The following CCNG2 variants were observed in gnomAD, a reference collection of about 807,000 sequenced individuals.
CCNG2 encodes cyclin-G2.
A neutral mutation model predicts 36.5 loss-of-function variants in CCNG2; 20 were observed. The ratio of observed to expected loss-of-function variants is 0.55; its 90% confidence interval spans 0.39 to 0.80. CCNG2 has a LOEUF of 0.80. Among genes scored for constraint, CCNG2 ranks in the 30% least tolerant of loss-of-function variants. CCNG2 has a pLI of 0.00. For synonymous variants in CCNG2, 155 were observed against 140.1 expected, an observed-to-expected ratio of 1.11 and a Z score of -0.75; for missense variants, 358 against 390.8, an observed-to-expected ratio of 0.92 and a Z score of 0.71.
At chr4:77,158,356 C>G in intron 1 of CCNG2, 177 bp from the exon 2 acceptor site, 2 of 608,524 alleles carry the variant, frequency 3.3e-6, no homozygotes, top group Non-Finnish European at 5.8e-6. Context: ...CCACACCTCC[C>G]TGGCCGTGGT....
chr4:77,158,836 A>C (rs544153561), intron 2 of CCNG2, among the ~76,000 whole-genome samples, 166 bp downstream of exon 2: 16 of 152,276 alleles, frequency 1.1e-4, no homozygotes, highest in African/African-American at 3.6e-4. Context: ...TTTGTTTCTT[A>C]GCAAGAATGA....
rs35692387 is a variant in CCNG2 at position 77,162,376 on chromosome 4, ATTT to A, written c.705+653_705+655del. ...TAGTGAATATAGAGAGTACTTTGGG[ATTT>A]TTTTTTTTTTTTTTTTTTTTTTTGA... is the stretch of plus-strand genomic sequence containing the variant. On this transcript the variant is annotated intron_variant, in intron 6 of 7. Transcript: ENST00000316355. Among the ~76,000 whole-genome samples, 633 of 71,442 alleles carry A rather than the reference ATTT, an allele frequency of 8.9e-3. 2 individuals are homozygous for A. The highest frequency in any genetic ancestry group is 0.032 in the African/African-American group (572 of 17,744). The allele number at this position is 71,442 out of a possible 152,430, so 46.9% of individuals were successfully genotyped here. A position where few individuals can be genotyped will look rare whatever the true frequency, so the allele number is the denominator to read the frequency against.
intron 6 of CCNG2, 119 bp downstream of exon 6, chr4:77,161,866 T>C: frequency 1.6e-6 from 1 of 642,504 alleles, no homozygotes; most frequent in Admixed American, 3.2e-5. Flanking sequence ...TTGTTTTTTT[T>C]CTTATATCTC....
At chr4:77,158,342 C>A (rs935285116) in intron 1 of CCNG2, 191 bp from the exon 2 acceptor site, 2 of 581,082 alleles carry the variant, frequency 3.4e-6, no homozygotes, top group Admixed American at 3.2e-5. Flanking sequence ...GGCTCCTCCC[C>A]CTGCCACACC....
Position 77,159,372 on chromosome 4 carries a change from T to C in CCNG2, c.144T>C (p.Asp48=), listed in dbSNP as rs766704230. The C allele has an allele frequency of 1.9e-6, 3 of 1,607,852 alleles. No individual in the cohort carries two copies. In the South Asian group the frequency reaches 3.4e-5, roughly 18 times the overall value. The change falls in exon 3 of 8, where the codon GAT becomes GAC. Residue 48 remains aspartate (D), a synonymous_variant. Coordinates refer to ENST00000316355, the MANE Select transcript of CCNG2 (RefSeq NM_004354.3). ...GTTCTTGGTTTTTATTGCAGAATGA[T>C]AACACTTTGTGTCCAGGATTGAGAA... ...LSLIEATPEN[D]NTLCPGLRNA...
chr4:77,159,053 TTCTC>T (rs1051014030), intron 2 of CCNG2, among the ~76,000 whole-genome samples: 2 of 152,236 alleles, frequency 1.3e-5, no homozygotes, highest in African/African-American at 2.4e-5. Flanking sequence ...AAAGAACCCT[TTCTC>T]TCCATTCCAA....
Position 77,170,027 on chromosome 4 carries a change from T to G in CCNG2, c.*4103T>G, listed in dbSNP as rs1488798014. On this transcript the variant is annotated 3_prime_UTR_variant, in exon 8 of 8. Coordinates refer to ENST00000316355, the MANE Select transcript of CCNG2 (RefSeq NM_004354.3). ...CTAAAATTGATTTGAATTATTAGTG[T>G]ATTAACAGAATAAAGAATGAACTTT... 3 of 152,224 alleles carry G rather than the reference T, an allele frequency of 2.0e-5. No individual in the cohort carries two copies. The highest frequency in any genetic ancestry group is 6.5e-5 in the Admixed American group (1 of 15,280). The allele number at this position is 152,224 out of a possible 1,614,324, so 9.4% of individuals were successfully genotyped here. A position where few individuals can be genotyped will look rare whatever the true frequency, so the allele number is the denominator to read the frequency against.
At chr4:77,164,731 C>T (rs922895388) in intron 7 of CCNG2, 11 of 331,830 alleles carry the variant, frequency 3.3e-5, no homozygotes, top group Admixed American at 9.1e-5. Flanking sequence ...GATAGGGTCT[C>T]GCGATGTTGC....
rs566522160 is a variant in CCNG2 at position 77,169,143 on chromosome 4, G to C, written c.*3219G>C. ...GCATTGGCTTCAGAACACTCCTCGT[G>C]ACAATTTTAACCATTTTCTTTGTCT... On this transcript the variant is annotated 3_prime_UTR_variant, in exon 8 of 8. Coordinates refer to ENST00000316355, the MANE Select transcript of CCNG2 (RefSeq NM_004354.3). 1 of 152,244 alleles carries C rather than the reference G, an allele frequency of 6.6e-6. No homozygotes were observed. Among genetic ancestry groups the C allele is most frequent in the East Asian group, 1.9e-4 (1 of 5,194 alleles). The allele number at this position is 152,244 out of a possible 1,614,324, so 9.4% of individuals were successfully genotyped here.
At chr4:77,158,440 C>T (rs1731333579) in intron 1 of CCNG2, 93 bp from the exon 2 acceptor site, 1 of 1,302,096 alleles carries the variant, frequency 7.7e-7, no homozygotes, top group African/African-American at 1.5e-5. Context: ...GCTGGGGCGA[C>T]CCTTGCTGGA....
At chr4:77,159,171 G>A (rs908594366) in intron 2 of CCNG2, among the ~76,000 whole-genome samples, 196 bp from the exon 3 acceptor site, 3 of 152,226 alleles carry the variant, frequency 2.0e-5, no homozygotes, top group Non-Finnish European at 4.4e-5. Context: ...AAGAAGCAGT[G>A]ATTTACGTCT....
Position 77,167,840 on chromosome 4 carries a change from C to T in CCNG2, c.*1916C>T, listed in dbSNP as rs1409171238. ...GAATCCTACTTGAGGATGACCTTTC[C>T]TCTCTTACTAAATAATATTAGTAAA... On this transcript the variant is annotated 3_prime_UTR_variant, in exon 8 of 8. Coordinates refer to ENST00000316355, the MANE Select transcript of CCNG2 (RefSeq NM_004354.3). The T allele has an allele frequency of 1.3e-5, 2 of 152,184 alleles. No individual in the cohort carries two copies. Among genetic ancestry groups the T allele is most frequent in the Non-Finnish European group, 1.5e-5 (1 of 68,036 alleles). The allele number at this position is 152,184 out of a possible 1,614,324, so 9.4% of individuals were successfully genotyped here. A position where few individuals can be genotyped will look rare whatever the true frequency, so the allele number is the denominator to read the frequency against.
At chr4:77,165,683 C>T in intron 7 of CCNG2, 118 bp from the exon 8 acceptor site, 2 of 805,580 alleles carry the variant, frequency 2.5e-6, no homozygotes, top group Non-Finnish European at 3.7e-6. Flanking sequence ...CTCTGTAAAG[C>T]ATAAATTTTG....
intron 1 of CCNG2, chr4:77,158,159 G>T: frequency 5.4e-6 from 1 of 186,454 alleles, no homozygotes; most frequent in Non-Finnish European, 1.1e-5. Context: ...CCCGGGACCC[G>T]CTGCAGTCGC....
chr4:77,159,496 C>T lies in CCNG2; in HGVS notation c.268C>T (p.Leu90Phe), dbSNP rs1731367511. ...CAATATTTTGGACAGGTTCTTGGCT[C>T]TTATGAAGGTATTTCATCATTTTTA... ...AVNILDRFLALMKVKPKHLSC... is the reference protein window; with the variant it reads ...AVNILDRFLAFMKVKPKHLSC... Residue 90 changes from leucine (L) to phenylalanine (F), a missense_variant, in exon 3 of 8, where the codon CTT (leucine) becomes TTT (phenylalanine). By Grantham distance (22) the Leu-to-Phe change is conservative. Transcript: ENST00000316355. The T allele has an allele frequency of 6.2e-7, 1 of 1,611,202 alleles. No homozygotes were observed. Among genetic ancestry groups the T allele is most frequent in the Non-Finnish European group, 8.5e-7 (1 of 1,179,142 alleles).
intron 7 of CCNG2, chr4:77,164,999 G>A (rs1560424298): frequency 2.6e-5 from 4 of 152,406 alleles, no homozygotes; most frequent in Admixed American, 2.0e-4. Context: ...AGATTGAGGG[G>A]TAGGTGCCTG....
intron 6 of CCNG2, among the ~76,000 whole-genome samples, chr4:77,162,288 A>G (rs1411935506): frequency 6.6e-6 from 1 of 152,164 alleles, no homozygotes; most frequent in Non-Finnish European, 1.5e-5. Context: ...AGTTGGGGAA[A>G]TGAGGAACTT....
In CCNG2 at chr4:77,166,808, A is replaced by G. The variant is rs1038070774; in HGVS notation, c.*884A>G. On this transcript the variant is annotated 3_prime_UTR_variant, in exon 8 of 8. Coordinates refer to ENST00000316355, the MANE Select transcript of CCNG2 (RefSeq NM_004354.3). ...ATTTCCTTTGTAATTTACATTTCAG[A>G]ATAGTGTATTGCTATATGGGTGCCA... is the stretch of plus-strand genomic sequence containing the variant. 4 of 152,208 alleles carry G rather than the reference A, an allele frequency of 2.6e-5. No homozygotes were observed. Among genetic ancestry groups the G allele is most frequent in the African/African-American group, 9.7e-5 (4 of 41,448 alleles). The allele number at this position is 152,208 out of a possible 1,614,324, so 9.4% of individuals were successfully genotyped here.
chr4:77,164,029 TC>T (rs1405720743), intron 6 of CCNG2, among the ~76,000 whole-genome samples: 2 of 152,192 alleles, frequency 1.3e-5, no homozygotes, highest in Non-Finnish European at 2.9e-5. Context: ...GGTGCTCTTC[TC>T]CTAAACCAGT....
Sources: allele counts gnomAD v4.1 joint callset (sites outside exome capture counted in the v4.1 genomes callset), GRCh38; gene constraint gnomAD v4.1.1; transcripts MANE v1.5; gene names NCBI Gene and HGNC (gene_info 2026-07-23, HGNC 2026-07-21).